Variants in ASAP1 observed in about 807,000 individuals in gnomAD.
ASAP1 encodes the protein ArfGAP with SH3 domain, ankyrin repeat and PH domain 1.
In ASAP1, 43 loss-of-function variants were observed where a neutral mutation model predicts 145.2. That is an observed-to-expected ratio of 0.30 (90% confidence interval 0.23 to 0.38). The LOEUF (loss-of-function observed/expected upper bound fraction) is 0.38, where lower values mean the gene tolerates loss of function less well. ASAP1 is among the 10% of genes least tolerant of loss of function. The pLI is 1.00. For missense variants in ASAP1, 1,018 were observed against 1,355.3 expected, an observed-to-expected ratio of 0.75 and a Z score of 3.91; for synonymous variants, 546 against 515.5, an observed-to-expected ratio of 1.06 and a Z score of -0.80.
intron 4 of ASAP1, among the ~76,000 whole-genome samples, chr8:130,230,758 CA>C (rs1817865967): frequency 6.6e-6 from 1 of 152,124 alleles, no homozygotes; most frequent in South Asian, 2.1e-4. Context: ...TGGCTATCCA[CA>C]AACTTGAAAA....
At chr8:130,253,254 G>A (rs1300561212) in intron 3 of ASAP1, among the ~76,000 whole-genome samples, 1 of 152,196 alleles carries the variant, frequency 6.6e-6, no homozygotes, top group East Asian at 1.9e-4. Context: ...ACCCGGCTGT[G>A]CCTCAGTTTC....
In ASAP1 at chr8:130,380,730, A is replaced by T. The variant is rs185899163; in HGVS notation, c.59+21155T>A. On this transcript the variant is annotated intron_variant, in intron 2 of 29. Transcript: ENST00000518721. ...AAGTTAAAAGGAACACATGAAATTA[A>T]TTTAATTTTTTTAGAGACAGGGTCT... is the stretch of plus-strand genomic sequence containing the variant. Among the ~76,000 whole-genome samples the T allele has an allele frequency of 1.7e-4, 26 of 152,310 alleles. 1 individual carries two copies. Among genetic ancestry groups the T allele is most frequent in the African/African-American group, 6.0e-4 (25 of 41,564 alleles).
chr8:130,129,233 T>C lies in ASAP1; in HGVS notation c.1218-1143A>G, dbSNP rs371751832. ...GAGTCAATTAAACTTCTTTCCTTTA[T>C]AAATTACCCAGTCTACAGTATTTCC... On this transcript the variant is annotated intron_variant, in intron 15 of 29. Coordinates refer to ENST00000518721, the MANE Select transcript of ASAP1 (RefSeq NM_018482.4). 1.6e-4 allele frequency among the ~76,000 whole-genome samples: 25 copies of C among 152,336 alleles called. No individual in the cohort carries two copies. The East Asian group carries it at 2.3e-3, about 14-fold the overall frequency.
chr8:130,397,096 T>C (rs1454950954), intron 2 of ASAP1, among the ~76,000 whole-genome samples: 2 of 152,004 alleles, frequency 1.3e-5, no homozygotes, highest in Non-Finnish European at 2.9e-5. Flanking sequence ...TGCTGTGGAC[T>C]GTGATTTTAT....
chr8:130,252,385 T>C (rs1819253147), intron 3 of ASAP1, among the ~76,000 whole-genome samples: 1 of 152,220 alleles, frequency 6.6e-6, no homozygotes, highest in Admixed American at 6.5e-5. Flanking sequence ...AATTTCCTTA[T>C]ACAATATTAA....
At chr8:130,115,535 A>G in intron 23 of ASAP1, 93 bp downstream of exon 23, 1 of 974,786 alleles carries the variant, frequency 1.0e-6, no homozygotes. Context: ...ATAAAACCAC[A>G]ATCAATCAAT....
At chr8:130,398,780 G>C (rs1488097166) in intron 2 of ASAP1, among the ~76,000 whole-genome samples, 1 of 152,212 alleles carries the variant, frequency 6.6e-6, no homozygotes, top group Non-Finnish European at 1.5e-5. Context: ...GAGAAGTTAA[G>C]TAGCTTTTCA....
At chr8:130,149,713 T>C (rs868644656) in intron 13 of ASAP1, among the ~76,000 whole-genome samples, 1 of 152,242 alleles carries the variant, frequency 6.6e-6, no homozygotes, top group Admixed American at 6.5e-5. Flanking sequence ...CCTTTATGTT[T>C]TTCTCAGAAA....
chr8:130,402,906 T>C (rs140563079), intron 1 of ASAP1, among the ~76,000 whole-genome samples: 256 of 131,482 alleles, frequency 1.9e-3, no homozygotes, highest in Non-Finnish European at 3.3e-3. Context: ...GAAAGCAGAA[T>C]AATCTTTTGT....
rs547206046 is a variant in ASAP1 at position 130,240,151 on chromosome 8, T to TG, written c.187-3158dup. The stretch of plus-strand genomic sequence containing the variant: ...GAGACCATCTACCTACTTCCTTTTG[T>TG]GGGGGGGAGCGGGTACAGTCTCAGA... On this transcript the variant is annotated intron_variant, in intron 3 of 29. Coordinates refer to ENST00000518721, the MANE Select transcript of ASAP1 (RefSeq NM_018482.4). Among the ~76,000 whole-genome samples the TG allele has an allele frequency of 4.6e-5, 7 of 152,100 alleles. No homozygotes were observed. In the South Asian group the frequency reaches 1.5e-3, roughly 32 times the overall value.
chr8:130,350,686 C>G (rs1321519319), intron 3 of ASAP1, among the ~76,000 whole-genome samples: 2 of 152,224 alleles, frequency 1.3e-5, no homozygotes, highest in African/African-American at 4.8e-5. Context: ...CTTTCATGAG[C>G]CTTTTGGAGA....
intron 24 of ASAP1, among the ~76,000 whole-genome samples, chr8:130,096,492 C>T (rs930518442): frequency 2.0e-5 from 3 of 152,152 alleles, no homozygotes; most frequent in Non-Finnish European, 4.4e-5. Flanking sequence ...CAAGAAAGTG[C>T]CCCAAACCTC....
intron 24 of ASAP1, among the ~76,000 whole-genome samples, chr8:130,107,303 C>T (rs914886058): frequency 6.6e-6 from 1 of 151,118 alleles, no homozygotes; most frequent in Non-Finnish European, 1.5e-5. Context: ...CTGCCTCAGC[C>T]TCCCAAGTAG....
In ASAP1 at chr8:130,072,831, G is replaced by GCGCGCGCGCGC. The variant is rs58907739; in HGVS notation, c.2701+3516_2701+3517insGCGCGCGCGCG. On this transcript the variant is annotated intron_variant, in intron 27 of 29. Transcript: ENST00000518721. ...TGTGTGTGTGTGTGTGTGTGCGCGC[G>GCGCGCGCGCGC]GGGGGGGGCAGTTTTGGGGACTGAG... Among the ~76,000 whole-genome samples, 1,004 of 110,726 alleles carry GCGCGCGCGCGC rather than the reference G, an allele frequency of 9.1e-3. 53 individuals are homozygous for GCGCGCGCGCGC. The highest frequency in any genetic ancestry group is 0.03 in the African/African-American group (837 of 27,902). The allele number at this position is 110,726 out of a possible 152,430, so 72.6% of individuals were successfully genotyped here.
At chr8:130,333,912 A>C (rs900450142) in intron 3 of ASAP1, among the ~76,000 whole-genome samples, 4 of 152,296 alleles carry the variant, frequency 2.6e-5, no homozygotes, top group Admixed American at 6.5e-5. Context: ...GTGAAGCCTC[A>C]TGGGTGTTGG....
chr8:130,311,407 T>C (rs534671963), intron 3 of ASAP1, among the ~76,000 whole-genome samples: 26 of 152,346 alleles, frequency 1.7e-4, no homozygotes, highest in African/African-American at 6.3e-4. Flanking sequence ...GTATTCTATC[T>C]TTTCCTAGTC....
intron 4 of ASAP1, among the ~76,000 whole-genome samples, chr8:130,230,976 T>C (rs1817878990): frequency 1.3e-5 from 2 of 152,192 alleles, no homozygotes; most frequent in African/African-American, 4.8e-5. Context: ...GAATTCACAC[T>C]ATACCTTCAA....
chr8:130,134,917 A>C (rs898858096), intron 14 of ASAP1, among the ~76,000 whole-genome samples: 2 of 152,172 alleles, frequency 1.3e-5, no homozygotes, highest in Non-Finnish European at 1.5e-5. Flanking sequence ...GGTAGCCCCA[A>C]CACCCCCAAC....
chr8:130,229,246 C>CT (rs2136587564), intron 4 of ASAP1, among the ~76,000 whole-genome samples: 1 of 152,328 alleles, frequency 6.6e-6, no homozygotes, highest in East Asian at 1.9e-4. Flanking sequence ...TAAAAATACA[C>CT]TTAAAAATTC....
Sources: gnomAD v4.1 joint callset for allele counts (sites outside exome capture counted in the v4.1 genomes callset) on GRCh38, gnomAD v4.1.1 for gene constraint, MANE v1.5 for transcripts, NCBI Gene and HGNC (gene_info 2026-07-23, HGNC 2026-07-21) for gene names.